Variants in GABBR1 observed in about 807,000 individuals in gnomAD.
The protein encoded by GABBR1 is gamma-aminobutyric acid type B receptor subunit 1.
GABBR1 carries 35 observed loss-of-function variants against 117.7 expected under a neutral mutation model. That is an observed-to-expected ratio of 0.30 (90% CI 0.23 to 0.39). The LOEUF (loss-of-function observed/expected upper bound fraction) is 0.39, where lower values mean the gene tolerates loss of function less well. Ranked by LOEUF, GABBR1 falls within the 10% of genes least tolerant of loss-of-function variation. The pLI is 1.00. For synonymous variants in GABBR1, 442 were observed against 486.6 expected (o/e 0.91, Z 1.21); for missense variants, 709 against 1,241.8 (o/e 0.57, Z 6.45).
At position 29,621,062 on chromosome 6, in the gene GABBR1, C is replaced by A; in HGVS notation, c.1323+39G>T. ...TGCAAGGCCCCCTCAGTCCTCTCCA[C>A]CCTCCCAGGTGCCAGACTGCAAGTC... On this transcript the variant is annotated intron_variant, in intron 11 of 22. Transcript: ENST00000377034. This position sits in a 1 kb window ranked among gnomAD's most constrained non-coding sequence, Gnocchi z 5.0. The A allele has an allele frequency of 6.3e-7, 1 of 1,582,226 alleles. No homozygotes were observed. Among genetic ancestry groups the A allele is most frequent in the South Asian group, 1.1e-5 (1 of 87,522 alleles).
intron 6 of GABBR1, among the ~76,000 whole-genome samples, chr6:29,624,827 G>A (rs1342579391): frequency 6.6e-5 from 10 of 151,968 alleles, no homozygotes; most frequent in Admixed American, 6.6e-4. Flanking sequence ...GGGAGGAAGA[G>A]CCAGCCTTGG....
chr6:29,605,062 G>T lies in GABBR1; in HGVS notation c.2440-74C>A. 2 of 1,458,282 alleles carry T rather than the reference G, an allele frequency of 1.4e-6. No homozygotes were observed. Among genetic ancestry groups the T allele is most frequent in the Non-Finnish European group, 9.2e-7 (1 of 1,087,768 alleles). The allele number at this position is 1,458,282 out of a possible 1,614,324, so 90.3% of individuals were successfully genotyped here. A position where few individuals can be genotyped will look rare whatever the true frequency, so the allele number is the denominator to read the frequency against. On this transcript the variant is annotated intron_variant, in intron 20 of 22. Coordinates refer to ENST00000377034, the MANE Select transcript of GABBR1 (RefSeq NM_001470.4). The surrounding 1 kb of genome is among the most constrained non-coding windows in gnomAD (Gnocchi z 4.2). The stretch of plus-strand genomic sequence containing the variant: ...AAGATCCAGAGTTTACTTCCCATGG[G>T]AGGGAGTCTATGCAGACAGTTTCCT...
At position 29,604,822 on chromosome 6, in the gene GABBR1, T is replaced by C. The variant is rs768069286; in HGVS notation, c.2568+38A>G. 13 of 1,603,214 alleles carry C rather than the reference T, an allele frequency of 8.1e-6. No homozygotes were observed. In the Admixed American group the frequency reaches 1.3e-4, roughly 17 times the overall value. On this transcript the variant is annotated intron_variant, in intron 21 of 22. Transcript: ENST00000377034. This position sits in a 1 kb window ranked among gnomAD's most constrained non-coding sequence, Gnocchi z 5.3. Reference sequence around the variant, plus strand: ...ATAGGAAGGAGGGATGGAGGGAACATGGGAACAAAGAGGGTGGGAGAAAAG... The same window carrying C: ...ATAGGAAGGAGGGATGGAGGGAACACGGGAACAAAGAGGGTGGGAGAAAAG...
rs28359988 is a variant in GABBR1 at position 29,632,277 on chromosome 6, G to C, written c.85+24C>G. ...AAGGGAAGTGGAGCGAAGGAGGGCCGGAGGTCGTCGAAGAAGGATGCACCT... is the reference window on the plus strand; with the variant it reads ...AAGGGAAGTGGAGCGAAGGAGGGCCCGAGGTCGTCGAAGAAGGATGCACCT... On this transcript the variant is annotated intron_variant, in intron 2 of 22. Transcript: ENST00000377034. This position sits in a 1 kb window ranked among gnomAD's most constrained non-coding sequence, Gnocchi z 5.8. 0.096 allele frequency: 128,577 copies of C among 1,339,422 alleles called. 6,662 individuals carry two copies. The highest frequency in any genetic ancestry group is 0.16 in the Middle Eastern group (830 of 5,172). The allele number at this position is 1,339,422 out of a possible 1,614,324, so 83.0% of individuals were successfully genotyped here.
Position 29,623,587 on chromosome 6 carries a change from T to C in GABBR1, c.793-112A>G. The C allele has an allele frequency of 9.5e-7, 1 of 1,057,060 alleles. No individual in the cohort carries two copies. The allele number at this position is 1,057,060 out of a possible 1,614,324, so 65.5% of individuals were successfully genotyped here. ...CTTTGGGTTTCTCTTCCTTACTCTCTCCAAACCTCCCCACCTCTGGTCTGC... is the reference window on the plus strand; with the variant it reads ...CTTTGGGTTTCTCTTCCTTACTCTCCCCAAACCTCCCCACCTCTGGTCTGC... On this transcript the variant is annotated intron_variant, in intron 7 of 22. Transcript: ENST00000377034. This position sits in a 1 kb window ranked among gnomAD's most constrained non-coding sequence, Gnocchi z 6.2.
chr6:29,628,215 G>A, intron 5 of GABBR1: 3 of 953,018 alleles, frequency 3.1e-6, no homozygotes, highest in Non-Finnish European at 3.7e-6. Flanking sequence ...GCAACCTCGA[G>A]GAGGAAAGGA....
rs1334482149 is a variant in GABBR1 at position 29,623,828 on chromosome 6, G to A, written c.792+62C>T. On this transcript the variant is annotated intron_variant, in intron 7 of 22. Transcript: ENST00000377034. This position sits in a 1 kb window ranked among gnomAD's most constrained non-coding sequence, Gnocchi z 6.2. The stretch of plus-strand genomic sequence containing the variant: ...TCAATACAAACCCACAATCGCCATC[G>A]TCCCTTCAGTAGAGCTCAAAAGGGA... 8.4e-6 allele frequency: 13 copies of A among 1,540,842 alleles called. No homozygotes were observed. Among genetic ancestry groups the A allele is most frequent in the East Asian group, 4.5e-5 (2 of 44,192 alleles).
Position 29,609,227 on chromosome 6 carries a change from A to G in GABBR1, c.1859+2T>C. ...AAGGAAAACGTCAGAAGAGAAACTT[A>G]CCGGACATGTGAGTTGTAGATGTTA... On this transcript the variant is annotated splice_donor_variant, in intron 15 of 22. Transcript: ENST00000377034. LOFTEE classifies it high-confidence loss of function. This position sits in a 1 kb window ranked among gnomAD's most constrained non-coding sequence, Gnocchi z 4.3. The G allele has an allele frequency of 6.2e-7, 1 of 1,612,926 alleles. No individual in the cohort carries two copies. The highest frequency in any genetic ancestry group is 8.5e-7 in the Non-Finnish European group (1 of 1,179,890).
intron 16 of GABBR1, 162 bp downstream of exon 16, chr6:29,608,439 G>A (rs1762181217): frequency 2.8e-5 from 20 of 710,080 alleles, no homozygotes; most frequent in South Asian, 2.0e-4. Flanking sequence ...AGAAGGGACA[G>A]AGCCAAACAG....
At position 29,621,125 on chromosome 6, in the gene GABBR1, G is replaced by A. The variant is rs769818764; in HGVS notation, c.1299C>T (p.Ala433=). ...ITTEIVMLNP[A]NTRSISNMTS... is the part of the protein sequence containing the mutation. ...CCATGTTGGAAATGCTGCGGGTATT[G>A]GCAGGATTCAGCATGACAATCTCAG... The change falls in exon 11 of 23, where the codon GCC becomes GCT. Residue 433 remains alanine (A), a synonymous_variant. Coordinates refer to ENST00000377034, the MANE Select transcript of GABBR1 (RefSeq NM_001470.4). This position sits in a 1 kb window ranked among gnomAD's most constrained non-coding sequence, Gnocchi z 5.0. 4 of 1,612,866 alleles carry A rather than the reference G, an allele frequency of 2.5e-6. No individual in the cohort carries two copies. The highest frequency in any genetic ancestry group is 3.4e-6 in the Non-Finnish European group (4 of 1,179,972).
rs1764501339 is a variant in GABBR1 at position 29,627,969 on chromosome 6, C to A, written c.497-323G>T. Reference sequence around the variant, plus strand: ...TTGGCTTCCTACGGCCCCCGCGGCTCTCGCCACCGTCGCCGCCACCGCGGA... The same window carrying A: ...TTGGCTTCCTACGGCCCCCGCGGCTATCGCCACCGTCGCCGCCACCGCGGA... On this transcript the variant is annotated intron_variant, in intron 5 of 22. Coordinates refer to ENST00000377034, the MANE Select transcript of GABBR1 (RefSeq NM_001470.4). This position sits in a 1 kb window ranked among gnomAD's most constrained non-coding sequence, Gnocchi z 4.4. The A allele has an allele frequency of 7.5e-7, 1 of 1,337,336 alleles. No homozygotes were observed. Among genetic ancestry groups the A allele is most frequent in the East Asian group, 3.1e-5 (1 of 32,264 alleles). 82.8% of individuals were successfully genotyped at this position (1,337,336 alleles called of 1,614,324 possible).
At chr6:29,614,922 G>A (rs1762914750) in intron 11 of GABBR1, among the ~76,000 whole-genome samples, 1 of 133,018 alleles carries the variant, frequency 7.5e-6, no homozygotes, top group Admixed American at 8.9e-5. Context: ...ATGCATGTGG[G>A]AAGCATATGG....
In GABBR1 at chr6:29,620,533, C is replaced by A. The variant is rs544617715; in HGVS notation, c.1323+568G>T. Among the ~76,000 whole-genome samples the A allele has an allele frequency of 6.6e-6, 1 of 152,126 alleles. No homozygotes were observed. Among genetic ancestry groups the A allele is most frequent in the Non-Finnish European group, 1.5e-5 (1 of 68,022 alleles). On this transcript the variant is annotated intron_variant, in intron 11 of 22. Transcript: ENST00000377034. This position sits in a 1 kb window ranked among gnomAD's most constrained non-coding sequence, Gnocchi z 4.5. ...CCCAGCCCTCTCAAATCAGAGAATG[C>A]GCCTCCTCGCTCCAAGTCTGTCATT...
In GABBR1 at chr6:29,611,738, C is replaced by T. The variant is rs1762555737; in HGVS notation, c.1631-737G>A. 1.3e-5 allele frequency among the ~76,000 whole-genome samples: 2 copies of T among 152,194 alleles called. No individual in the cohort carries two copies. The highest frequency in any genetic ancestry group is 2.4e-5 in the African/African-American group (1 of 41,442). On this transcript the variant is annotated intron_variant, in intron 13 of 22. Coordinates refer to ENST00000377034, the MANE Select transcript of GABBR1 (RefSeq NM_001470.4). This position sits in a 1 kb window ranked among gnomAD's most constrained non-coding sequence, Gnocchi z 4.6. ...GCCGAGTGGAGCAGAAAAATTAACTCCTAGAAGTTCTGCAAATACCTGTGT... is the reference window on the plus strand; with the variant it reads ...GCCGAGTGGAGCAGAAAAATTAACTTCTAGAAGTTCTGCAAATACCTGTGT...
intron 5 of GABBR1, among the ~76,000 whole-genome samples, chr6:29,628,872 A>C (rs917855937): frequency 6.6e-5 from 10 of 151,602 alleles, no homozygotes; most frequent in Non-Finnish European, 4.4e-5. Flanking sequence ...AGTGTAGCCA[A>C]GCAGGGACAA....
At chr6:29,629,191 C>T (rs756181913) in intron 4 of GABBR1, 84 bp from the exon 5 acceptor site, 31 of 1,479,646 alleles carry the variant, frequency 2.1e-5, no homozygotes, top group Non-Finnish European at 2.9e-5. Context: ...CCCTCCCACA[C>T]CTGTCCATGC....
chr6:29,621,423 C>A lies in GABBR1; in HGVS notation c.1132-131G>T. The A allele has an allele frequency of 1.1e-5, 8 of 748,506 alleles. No homozygotes were observed. The highest frequency in any genetic ancestry group is 1.7e-5 in the Non-Finnish European group (8 of 464,604). 46.4% of individuals were successfully genotyped at this position (748,506 alleles called of 1,614,324 possible). A position where few individuals can be genotyped will look rare whatever the true frequency, so the allele number is the denominator to read the frequency against. ...GAACTAAAAAGAGAAATCTACAAGT[C>A]TTGGGGATAGTAGGAAAGGCTGACA... On this transcript the variant is annotated intron_variant, in intron 10 of 22. Transcript: ENST00000377034. This position sits in a 1 kb window ranked among gnomAD's most constrained non-coding sequence, Gnocchi z 5.0.
At position 29,627,503 on chromosome 6, in the gene GABBR1, T is replaced by C; in HGVS notation, c.640A>G (p.Ile214Val). 6.2e-7 allele frequency: 1 copy of C among 1,600,220 alleles called. No homozygotes were observed. The highest frequency in any genetic ancestry group is 8.5e-7 in the Non-Finnish European group (1 of 1,174,168). Residue 214 changes from isoleucine to valine, a missense_variant, in exon 6 of 23, where the codon ATC becomes GTC. Around this residue, in one of 9 missense-constraint regions of GABBR1, gnomAD observed 192 missense variants for 418.4 expected, o/e 0.46. Coordinates refer to ENST00000377034, the MANE Select transcript of GABBR1 (RefSeq NM_001470.4). The surrounding 1 kb of genome is among the most constrained non-coding windows in gnomAD (Gnocchi z 4.4). ...DILPDYELKL[I>V]HHDSKCDPGQ... ...AGGGCTACCTTGCTGTCGTGGTGGA[T>C]GAGCTTGAGCTCATAGTCCGGCAGG... is the stretch of plus-strand genomic sequence containing the variant.
At chr6:29,608,539 G>A (rs1429167855) in intron 16 of GABBR1, 62 bp downstream of exon 16, 10 of 1,541,222 alleles carry the variant, frequency 6.5e-6, no homozygotes, top group Non-Finnish European at 8.9e-6. Flanking sequence ...AATCATGGAA[G>A]GTGCTCCTGA....
Sources: gnomAD v4.1 joint callset for allele counts (sites outside exome capture counted in the v4.1 genomes callset) on GRCh38, gnomAD v4.1.1 for gene constraint, gnomAD v4.1.1 regional missense constraint, Gnocchi (gnomAD v3.1) non-coding constraint, MANE v1.5 for transcripts, NCBI Gene and HGNC (gene_info 2026-07-23, HGNC 2026-07-21) for gene names.